The following CFTR variants were observed in gnomAD, a reference collection of about 807,000 sequenced individuals.
CFTR encodes CF transmembrane conductance regulator, also known as cystic fibrosis transmembrane conductance regulator.
Under a neutral mutation model 171.6 loss-of-function variants are expected in CFTR, and 181 were observed. The ratio of observed to expected loss-of-function variants is 1.05; its 90% CI spans 0.93 to 1.19. The LOEUF (loss-of-function observed/expected upper bound fraction) is 1.19. Ranked by LOEUF, CFTR falls within the 50% of genes most tolerant of loss-of-function variation. The pLI, the probability that CFTR is intolerant of heterozygous loss-of-function variation, is 0.00. For synonymous variants in CFTR, 583 were observed against 608.0 expected (o/e 0.96, Z 0.60); for missense variants, 1,968 against 1,734.7 (o/e 1.13, Z -2.39).
intron 1 of CFTR, among the ~76,000 whole-genome samples, chr7:117,481,363 AAT>A (rs891698493): frequency 2.0e-5 from 3 of 152,190 alleles, no homozygotes; most frequent in African/African-American, 7.2e-5. Context: ...AATTGGCATA[AAT>A]TATAGACTTT....
intron 3 of CFTR, among the ~76,000 whole-genome samples, chr7:117,521,374 C>G (rs956227593): frequency 6.6e-6 from 1 of 151,938 alleles, no homozygotes; most frequent in African/African-American, 2.4e-5. Context: ...TTTTTCCTGA[C>G]TCTAAATGTA....
chr7:117,532,285 T>A (rs1798877669), intron 4 of CFTR, among the ~76,000 whole-genome samples: 1 of 152,202 alleles, frequency 6.6e-6, no homozygotes, highest in Admixed American at 6.5e-5. Flanking sequence ...TTCAGTTTAA[T>A]AAATGTTTAT....
At chr7:117,557,858 A>G (rs1260979220) in intron 10 of CFTR, among the ~76,000 whole-genome samples, 1 of 152,160 alleles carries the variant, frequency 6.6e-6, no homozygotes, top group Non-Finnish European at 1.5e-5. Context: ...TGACTTATAT[A>G]CTTTTATTTC....
intron 17 of CFTR, among the ~76,000 whole-genome samples, chr7:117,604,462 T>C (rs1792274124): frequency 6.6e-6 from 1 of 152,204 alleles, no homozygotes; most frequent in African/African-American, 2.4e-5. Flanking sequence ...GCACTTTCTC[T>C]GTTGAGGCAT....
intron 23 of CFTR, among the ~76,000 whole-genome samples, chr7:117,648,074 TA>T (rs1355294744): frequency 5.4e-5 from 8 of 147,484 alleles, no homozygotes; most frequent in Non-Finnish European, 8.9e-5. Context: ...TATATGTATA[TA>T]TATATATGTA....
chr7:117,575,362 T>C (rs1791754971), intron 11 of CFTR, among the ~76,000 whole-genome samples: 1 of 152,184 alleles, frequency 6.6e-6, no homozygotes, highest in Non-Finnish European at 1.5e-5. Context: ...TGTAAGATGC[T>C]ATATATTTTC....
chr7:117,610,649 T>C lies in CFTR; in HGVS notation c.3119T>C (p.Leu1040Pro). ...RAYFLQTSQQ[L>P]KQLESEGRSP... ...TATTTCCTCCAAACCTCACAGCAAC[T>C]CAAACAACTGGAATCTGAAGGTATG... is the stretch of plus-strand genomic sequence containing the variant. The change falls in exon 19 of 27, where the codon CTC (leucine) becomes CCC (proline). Residue 1040 changes from leucine to proline, a missense_variant. Physicochemically the swap from Leu to Pro is moderately conservative, Grantham distance 98. Transcript: ENST00000003084. 6.2e-7 allele frequency: 1 copy of C among 1,613,538 alleles called. No individual in the cohort carries two copies. The highest frequency in any genetic ancestry group is 1.1e-5 in the South Asian group (1 of 91,068).
chr7:117,482,124 G>A (rs1045924211), intron 1 of CFTR, among the ~76,000 whole-genome samples: 1 of 152,064 alleles, frequency 6.6e-6, no homozygotes, highest in African/African-American at 2.4e-5. Flanking sequence ...CTCTCAATCT[G>A]GATATGCAAT....
chr7:117,520,441 A>G (rs746990765), intron 3 of CFTR, among the ~76,000 whole-genome samples: 2 of 151,808 alleles, frequency 1.3e-5, no homozygotes, highest in African/African-American at 4.8e-5. Flanking sequence ...TTACATTTAA[A>G]TATCTACTCT....
At chr7:117,531,328 A>G (rs1339885240) in intron 4 of CFTR, among the ~76,000 whole-genome samples, 1 of 152,096 alleles carries the variant, frequency 6.6e-6, no homozygotes, top group Admixed American at 6.6e-5. Context: ...ATCTTCTGTA[A>G]ACTGCCTCTG....
Position 117,636,287 on chromosome 7 carries a change from T to G in CFTR, c.3718-6151T>G, listed in dbSNP as rs574162545. Among the ~76,000 whole-genome samples, 25 of 152,262 alleles carry G rather than the reference T, an allele frequency of 1.6e-4. 1 individual carries two copies. In the South Asian group the frequency reaches 4.6e-3, roughly 28 times the overall value. ...TTTTTTCCTCTGGCTTCTATCAAGA[T>G]TTTTTCTTTATGAACATGATATGCC... is the stretch of plus-strand genomic sequence containing the variant. On this transcript the variant is annotated intron_variant, in intron 22 of 26. Coordinates refer to ENST00000003084, the MANE Select transcript of CFTR (RefSeq NM_000492.4).
intron 5 of CFTR, 37 bp downstream of exon 5, chr7:117,534,402 G>T (rs745429476): frequency 2.7e-6 from 3 of 1,119,524 alleles, no homozygotes; most frequent in Admixed American, 3.4e-5. Context: ...AGGCACTATT[G>T]TTATAAATTA....
At chr7:117,509,743 G>C (rs1489419162) in intron 3 of CFTR, among the ~76,000 whole-genome samples, 2 of 152,140 alleles carry the variant, frequency 1.3e-5, no homozygotes, top group Non-Finnish European at 2.9e-5. Flanking sequence ...TAAGTGCCTT[G>C]TATGTTCCCC....
At position 117,617,129 on chromosome 7, in the gene CFTR, A is replaced by G. The variant is rs578076115; in HGVS notation, c.3468+2416A>G. Among the ~76,000 whole-genome samples, 6 of 152,298 alleles carry G rather than the reference A, an allele frequency of 3.9e-5. No individual in the cohort carries two copies. The East Asian group carries it at 1.2e-3, about 29-fold the overall frequency. On this transcript the variant is annotated intron_variant, in intron 21 of 26. Transcript: ENST00000003084. ...GAGTTGAGTTTACAATGGAGTAAACAAGGTGTTTAGTTTGATGTATGCTTT... is the reference window on the plus strand; with the variant it reads ...GAGTTGAGTTTACAATGGAGTAAACGAGGTGTTTAGTTTGATGTATGCTTT...
At chr7:117,608,207 ATT>A (rs11343448) in intron 18 of CFTR, among the ~76,000 whole-genome samples, 1 of 149,002 alleles carries the variant, frequency 6.7e-6, no homozygotes, top group East Asian at 2.0e-4. Context: ...TTTCTGCTCA[ATT>A]TTTTTTTTTA....
intron 9 of CFTR, among the ~76,000 whole-genome samples, chr7:117,544,487 T>C (rs943322479): frequency 6.6e-6 from 1 of 152,302 alleles, no homozygotes; most frequent in Non-Finnish European, 1.5e-5. Context: ...CACCGTCATA[T>C]TTGAATGTTT....
At chr7:117,625,586 C>T (rs1032803940) in intron 21 of CFTR, among the ~76,000 whole-genome samples, 18 of 152,082 alleles carry the variant, frequency 1.2e-4, no homozygotes, top group African/African-American at 4.3e-4. Context: ...TAGTGTCTTT[C>T]CTATCTTGCT....
intron 1 of CFTR, among the ~76,000 whole-genome samples, chr7:117,500,860 A>G (rs1429985817): frequency 6.6e-6 from 1 of 152,194 alleles, no homozygotes; most frequent in Non-Finnish European, 1.5e-5. Context: ...ATGCTAGGCT[A>G]TGGCATTCTT....
intron 14 of CFTR, among the ~76,000 whole-genome samples, chr7:117,593,367 A>G (rs1421051430): frequency 6.6e-6 from 1 of 152,184 alleles, no homozygotes; most frequent in Non-Finnish European, 1.5e-5. Context: ...CTTGGATGAA[A>G]TGAGCCATGG....
Sources: gnomAD v4.1 joint callset for allele counts (sites outside exome capture counted in the v4.1 genomes callset) on GRCh38, gnomAD v4.1.1 for gene constraint, MANE v1.5 for transcripts, NCBI Gene and HGNC (gene_info 2026-07-23, HGNC 2026-07-21) for gene names.